KIAA1328: variants seen among roughly 807,000 people sequenced by gnomAD.
The protein encoded by KIAA1328 is KIAA1328.
Under a neutral mutation model 68.1 loss-of-function variants are expected in KIAA1328, and 52 were observed. The ratio of observed to expected loss-of-function variants is 0.76; its 90% confidence interval spans 0.61 to 0.96. The LOEUF (loss-of-function observed/expected upper bound fraction) is 0.96. Ranked by LOEUF, KIAA1328 falls within the 40% of genes least tolerant of loss-of-function variation. The pLI is 0.00. For missense variants in KIAA1328, 641 were observed against 677.6 expected, an observed-to-expected ratio of 0.95 and a Z score of 0.60; for synonymous variants, 232 against 239.4, an observed-to-expected ratio of 0.97 and a Z score of 0.28.
chr18:37,118,814 A>G (rs1375458878), intron 7 of KIAA1328, among the ~76,000 whole-genome samples: 1 of 152,120 alleles, frequency 6.6e-6, no homozygotes, highest in Admixed American at 6.6e-5. Flanking sequence ...TTCCATTTCC[A>G]TCCTTTCTTT....
chr18:37,019,972 A>C (rs2054284062), intron 6 of KIAA1328, among the ~76,000 whole-genome samples: 1 of 152,156 alleles, frequency 6.6e-6, no homozygotes, highest in South Asian at 2.1e-4. Context: ...GATGGGGGCC[A>C]GTCTACTGGT....
At chr18:37,089,439 A>G (rs2057205746) in intron 7 of KIAA1328, among the ~76,000 whole-genome samples, 1 of 144,732 alleles carries the variant, frequency 6.9e-6, no homozygotes, top group African/African-American at 2.6e-5. Flanking sequence ...CAGTGTCACA[A>G]TCTCGGCTCA....
At chr18:36,869,104 G>A (rs2047857119) in intron 4 of KIAA1328, among the ~76,000 whole-genome samples, 1 of 150,542 alleles carries the variant, frequency 6.6e-6, no homozygotes, top group African/African-American at 2.4e-5. Flanking sequence ...TTGGGGTCAA[G>A]GGAGTAGTAT....
intron 9 of KIAA1328, among the ~76,000 whole-genome samples, chr18:37,208,078 G>A (rs943742544): frequency 1.2e-4 from 18 of 152,110 alleles, no homozygotes; most frequent in Non-Finnish European, 4.4e-5. Context: ...CAAAGTGCTA[G>A]GATTACAGAT....
At position 36,924,834 on chromosome 18, in the gene KIAA1328, A is replaced by T. The variant is rs552125193; in HGVS notation, c.449-34474A>T. 2.6e-5 allele frequency: 4 copies of T among 152,320 alleles called. No individual in the cohort carries two copies. The East Asian group carries it at 7.7e-4, about 29-fold the overall frequency. The allele number at this position is 152,320 out of a possible 1,614,324, so 9.4% of individuals were successfully genotyped here. A position where few individuals can be genotyped will look rare whatever the true frequency, so the allele number is the denominator to read the frequency against. ...TGGTTCCCAAAAGAACCCAAAGAAG[A>T]TAACATTTCAAGGAGGGTTGCTGGT... is the stretch of plus-strand genomic sequence containing the variant. On this transcript the variant is annotated intron_variant, in intron 5 of 9. Coordinates refer to ENST00000280020, the MANE Select transcript of KIAA1328 (RefSeq NM_020776.3).
At chr18:37,175,385 G>A (rs1353310622) in intron 9 of KIAA1328, among the ~76,000 whole-genome samples, 1 of 152,088 alleles carries the variant, frequency 6.6e-6, no homozygotes, top group African/African-American at 2.4e-5. Context: ...TACAAGCCCA[G>A]GTTAAAACTG....
chr18:36,987,726 G>T (rs76435556), intron 6 of KIAA1328, among the ~76,000 whole-genome samples: 242 of 152,086 alleles, frequency 1.6e-3, no homozygotes, highest in Middle Eastern at 3.4e-3. Context: ...CTTGACTGTG[G>T]TGATGGTTCC....
At chr18:37,227,678 A>G (rs1361162325), downstream of KIAA1328, among the ~76,000 whole-genome samples, 1 of 152,232 alleles carries the variant, frequency 6.6e-6, no homozygotes, top group African/African-American at 2.4e-5. Flanking sequence ...CTTTCAAAAT[A>G]TAACTGTTAC....
intron 6 of KIAA1328, among the ~76,000 whole-genome samples, chr18:37,002,807 A>G (rs1381044343): frequency 6.6e-6 from 1 of 151,942 alleles, no homozygotes; most frequent in Non-Finnish European, 1.5e-5. Flanking sequence ...TATCAAAATA[A>G]CATCATTCTT....
At chr18:37,180,928 C>A (rs1031378047) in intron 9 of KIAA1328, among the ~76,000 whole-genome samples, 2 of 152,014 alleles carry the variant, frequency 1.3e-5, no homozygotes, top group Non-Finnish European at 2.9e-5. Context: ...TTACATTGGG[C>A]ATATACAGAT....
chr18:36,885,834 A>T (rs1199335348), intron 5 of KIAA1328, 162 bp downstream of exon 5: 1 of 537,098 alleles, frequency 1.9e-6, no homozygotes, highest in Non-Finnish European at 3.3e-6. Context: ...CTCCTACCTC[A>T]GCCTCCCGAG....
chr18:36,950,477 A>T (rs773853472), intron 5 of KIAA1328, among the ~76,000 whole-genome samples: 15 of 152,172 alleles, frequency 9.9e-5, no homozygotes, highest in Non-Finnish European at 1.8e-4. Flanking sequence ...TTCCAGGAAA[A>T]CACAGTCTGC....
At chr18:37,199,264 T>C (rs2060062436) in intron 9 of KIAA1328, among the ~76,000 whole-genome samples, 1 of 152,140 alleles carries the variant, frequency 6.6e-6, no homozygotes, top group South Asian at 2.1e-4. Flanking sequence ...TTCTGCCATC[T>C]GGTAGGCCCT....
At chr18:37,044,256 A>T (rs1486421588) in intron 6 of KIAA1328, among the ~76,000 whole-genome samples, 1 of 152,024 alleles carries the variant, frequency 6.6e-6, no homozygotes, top group East Asian at 1.9e-4. Flanking sequence ...CTTCATTAAG[A>T]TTTATAGTGG....
chr18:36,915,195 T>C (rs979111812), intron 5 of KIAA1328, among the ~76,000 whole-genome samples: 3 of 152,152 alleles, frequency 2.0e-5, no homozygotes, highest in Non-Finnish European at 4.4e-5. Flanking sequence ...ATCCATAGAT[T>C]AATGGAGCAA....
intron 5 of KIAA1328, among the ~76,000 whole-genome samples, chr18:36,941,677 CAT>C (rs2050719162): frequency 6.6e-6 from 1 of 152,038 alleles, no homozygotes; most frequent in Non-Finnish European, 1.5e-5. Context: ...TGGAAATAGA[CAT>C]ATAAAACACA....
chr18:36,983,530 C>T (rs528394302), intron 6 of KIAA1328, among the ~76,000 whole-genome samples: 2 of 151,924 alleles, frequency 1.3e-5, no homozygotes, highest in East Asian at 1.9e-4. Flanking sequence ...TTCAAAAATA[C>T]TATCAACCAA....
chr18:37,172,079 A>G (rs1457528354), intron 8 of KIAA1328, among the ~76,000 whole-genome samples: 1 of 152,202 alleles, frequency 6.6e-6, no homozygotes, highest in East Asian at 1.9e-4. Context: ...TCCCAAAGTT[A>G]GCATACTGCA....
chr18:37,089,372 T>A (rs959148472), intron 7 of KIAA1328, among the ~76,000 whole-genome samples: 1 of 75,134 alleles, frequency 1.3e-5, no homozygotes, highest in Non-Finnish European at 2.3e-5. Flanking sequence ...AGGTAGTGGC[T>A]TTTTTTTTTT....
Sources: gnomAD v4.1 joint callset for allele counts (sites outside exome capture counted in the v4.1 genomes callset) on GRCh38, gnomAD v4.1.1 for gene constraint, MANE v1.5 for transcripts, NCBI Gene and HGNC (gene_info 2026-07-23, HGNC 2026-07-21) for gene names.